The following PROKR1 variants were observed in gnomAD, a reference collection of about 807,000 sequenced individuals.
PROKR1 encodes prokineticin receptor 1.
Under a neutral mutation model 22.8 loss-of-function variants are expected in PROKR1, and 21 were observed. That is an observed-to-expected ratio of 0.92 (90% CI 0.65 to 1.32). The LOEUF is 1.32. PROKR1 is among the 40% of genes most tolerant of loss of function. PROKR1 has a pLI of 0.00. For missense variants in PROKR1, 548 were observed against 514.2 expected (o/e 1.07, Z -0.64); for synonymous variants, 193 against 207.5 (o/e 0.93, Z 0.60).
chr2:68,651,580 A>G (rs905712390), intron 2 of PROKR1, among the ~76,000 whole-genome samples: 1 of 152,104 alleles, frequency 6.6e-6, no homozygotes, highest in Non-Finnish European at 1.5e-5. Flanking sequence ...GGCCTGAGTA[A>G]TCTCACCCAA....
rs1361170402 is a variant in PROKR1 at position 68,656,469 on chromosome 2, A to G, written c.*893A>G. 1 of 152,266 alleles carries G rather than the reference A, an allele frequency of 6.6e-6. No homozygotes were observed. The highest frequency in any genetic ancestry group is 6.5e-5 in the Admixed American group (1 of 15,274). 9.4% of individuals were successfully genotyped at this position (152,266 alleles called of 1,614,324 possible). On this transcript the variant is annotated 3_prime_UTR_variant, in exon 3 of 3. Transcript: ENST00000303786. ...TGGCAGGGGCTCAGGCTCTCCAGGTATACAGATGATACCGTTCCCACCTGT... is the reference window on the plus strand; with the variant it reads ...TGGCAGGGGCTCAGGCTCTCCAGGTGTACAGATGATACCGTTCCCACCTGT...
intron 2 of PROKR1, among the ~76,000 whole-genome samples, chr2:68,651,920 A>T (rs1327214791): frequency 6.6e-6 from 1 of 152,240 alleles, no homozygotes; most frequent in African/African-American, 2.4e-5. Context: ...GCATACATAT[A>T]AGCAGAGAAA....
intron 2 of PROKR1, among the ~76,000 whole-genome samples, chr2:68,648,199 A>G (rs147017338): frequency 1.2e-3 from 188 of 152,226 alleles, no homozygotes; most frequent in Non-Finnish European, 2.2e-3. Flanking sequence ...CGGAGTAACA[A>G]TGGTAGGAGG....
chr2:68,651,398 A>G (rs1257694787), intron 2 of PROKR1, among the ~76,000 whole-genome samples: 2 of 152,190 alleles, frequency 1.3e-5, no homozygotes, highest in Non-Finnish European at 2.9e-5. Flanking sequence ...AAAAAGGATC[A>G]TGAGAGACCT....
intron 2 of PROKR1, among the ~76,000 whole-genome samples, chr2:68,652,912 G>A (rs1374055293): frequency 6.6e-6 from 1 of 152,172 alleles, no homozygotes; most frequent in East Asian, 1.9e-4. Context: ...CACACTCTGT[G>A]TTTGAAGCAT....
In PROKR1 at chr2:68,654,919, G is replaced by C; in HGVS notation, c.525G>C (p.Lys175Asn). 1 of 1,613,730 alleles carries C rather than the reference G, an allele frequency of 6.2e-7. No individual in the cohort carries two copies. The highest frequency in any genetic ancestry group is 8.5e-7 in the Non-Finnish European group (1 of 1,179,968). The change falls in exon 3 of 3, where the codon AAG (lysine) becomes AAC (asparagine). Residue 175 changes from lysine (K) to asparagine (N), a missense_variant. Transcript: ENST00000303786. ...TCCATCCGCTGAGACCACGGATGAA[G>C]TGCCAAACAGCCACTGGCCTGATTG... ...AIVHPLRPRMKCQTATGLIAL... is the reference protein window; with the variant it reads ...AIVHPLRPRMNCQTATGLIAL...
In PROKR1 at chr2:68,645,862, A is replaced by G; in HGVS notation, c.41A>G (p.Asn14Ser). ...TMGFMDDNAT[N>S]TSTSFLSVLN... is the part of the protein sequence containing the mutation. The stretch of plus-strand genomic sequence containing the variant: ...GGGTTCATGGATGACAATGCCACCA[A>G]CACTTCCACCAGCTTCCTTTCTGTG... Residue 14 changes from asparagine (N) to serine (S), a missense_variant, in exon 2 of 3, where the codon AAC (asparagine) becomes AGC (serine). Coordinates refer to ENST00000303786, the MANE Select transcript of PROKR1 (RefSeq NM_138964.4). 1 of 1,614,182 alleles carries G rather than the reference A, an allele frequency of 6.2e-7. No individual in the cohort carries two copies. The highest frequency in any genetic ancestry group is 8.5e-7 in the Non-Finnish European group (1 of 1,180,022).
Position 68,649,288 on chromosome 2 carries a change from AC to A in PROKR1, c.485+2984del, listed in dbSNP as rs377242484. On this transcript the variant is annotated intron_variant, in intron 2 of 2. Transcript: ENST00000303786. ...TTGTCCTGGCTGCTCTCCCTTCTTTACCAGCATTCATTCAACCTCCAGGTCT... is the reference window on the plus strand; with the variant it reads ...TTGTCCTGGCTGCTCTCCCTTCTTTACAGCATTCATTCAACCTCCAGGTCT... 7.3e-3 allele frequency among the ~76,000 whole-genome samples: 1,114 copies of A among 152,134 alleles called. 11 individuals carry two copies. The highest frequency in any genetic ancestry group is 0.024 in the African/African-American group (1,010 of 41,466).
At position 68,643,601 on chromosome 2, in the gene PROKR1, G is replaced by C. The variant is rs929339689; in HGVS notation, c.-408G>C. The C allele has an allele frequency of 6.6e-6, 1 of 152,302 alleles. No individual in the cohort carries two copies. The highest frequency in any genetic ancestry group is 2.4e-5 in the African/African-American group (1 of 41,474). 9.4% of individuals were successfully genotyped at this position (152,302 alleles called of 1,614,324 possible). A position where few individuals can be genotyped will look rare whatever the true frequency, so the allele number is the denominator to read the frequency against. On this transcript the variant is annotated 5_prime_UTR_variant, in exon 1 of 3. Transcript: ENST00000303786. ...CCCAGCTGGCGACACGCCTCGCCAA[G>C]AGCCCGCACCTCGGCGCCTCACGGC...
At chr2:68,652,324 A>G (rs4467308) in intron 2 of PROKR1, among the ~76,000 whole-genome samples, 56,011 of 152,104 alleles carry the variant, frequency 0.37, 12,153 homozygotes, top group African/African-American at 0.61. Context: ...AGCAAACACA[A>G]CATTACTAAT....
intron 2 of PROKR1, among the ~76,000 whole-genome samples, chr2:68,646,850 C>A (rs866499254): frequency 4.6e-5 from 7 of 152,246 alleles, no homozygotes; most frequent in Middle Eastern, 3.4e-3. Context: ...GAGTTCGAGA[C>A]CAGCATGGGC....
chr2:68,646,790 A>G (rs546936523), intron 2 of PROKR1, among the ~76,000 whole-genome samples: 1 of 152,212 alleles, frequency 6.6e-6, no homozygotes, highest in Non-Finnish European at 1.5e-5. Context: ...GTTCAAGCCT[A>G]TAATCCCAGC....
At chr2:68,654,657 G>A (rs34188820) in intron 2 of PROKR1, among the ~76,000 whole-genome samples, 3,687 of 152,098 alleles carry the variant, frequency 0.024, 67 homozygotes, top group Middle Eastern at 0.075. Context: ...AAATTAGCGC[G>A]TGTGGTGCAT....
chr2:68,645,210 T>C (rs1252043039), intron 1 of PROKR1, among the ~76,000 whole-genome samples: 2 of 152,198 alleles, frequency 1.3e-5, no homozygotes, highest in African/African-American at 4.8e-5. Context: ...TAGCAGGTTC[T>C]AATGTGGGAA....
chr2:68,655,123 C>A lies in PROKR1; in HGVS notation c.729C>A (p.Gly243=), dbSNP rs1411582575. The change falls in exon 3 of 3, where the codon GGC becomes GGA. Residue 243 remains glycine, a synonymous_variant. Transcript: ENST00000303786. Reference sequence around the variant, plus strand: ...TTATCTTTGGCATAGAATTCGTGGGCCCCGTGGTCACCATGACCCTGTGCT... The same window carrying A: ...TTATCTTTGGCATAGAATTCGTGGGACCCGTGGTCACCATGACCCTGTGCT... ...FLFIFGIEFV[G]PVVTMTLCYA... is the part of the protein sequence containing the mutation. 2 of 1,614,192 alleles carry A rather than the reference C, an allele frequency of 1.2e-6. No homozygotes were observed. The highest frequency in any genetic ancestry group is 3.3e-5 in the Admixed American group (2 of 60,030).
intron 2 of PROKR1, among the ~76,000 whole-genome samples, chr2:68,652,945 A>T (rs116094809): frequency 0.023 from 3,525 of 152,334 alleles, 75 homozygotes; most frequent in Non-Finnish European, 0.034. Context: ...GGTAGCTACT[A>T]TCGGGAAAAG....
chr2:68,655,006 G>A lies in PROKR1; in HGVS notation c.612G>A (p.Thr204=), dbSNP rs34234285. ...CTTCCGCCTACTTCACCACCGAGAC[G>A]GTCCTCGTCATTGTCAAGAGCCAGG... The part of the protein sequence containing the change: ...AIPSAYFTTE[T]VLVIVKSQEK... The change falls in exon 3 of 3, where the codon ACG becomes ACA. Residue 204 remains threonine (T), a synonymous_variant. Transcript: ENST00000303786. 9.9e-6 allele frequency: 16 copies of A among 1,613,440 alleles called. No individual in the cohort carries two copies. The highest frequency in any genetic ancestry group is 1.6e-4 in the Middle Eastern group (1 of 6,084).
chr2:68,651,469 G>T (rs114191942), intron 2 of PROKR1, among the ~76,000 whole-genome samples: 2 of 152,238 alleles, frequency 1.3e-5, no homozygotes, highest in Non-Finnish European at 2.9e-5. Flanking sequence ...CCCACAGCGT[G>T]TGGGGGCTCC....
rs955687183 is a variant in PROKR1, at chr2:68,643,865, C to T, written c.-161+17C>T. ...ATGCCGCAGGTACAGAGCGCGCCCT[C>T]CCGGGGAGGATGCTCCAGGGACCCC... On this transcript the variant is annotated intron_variant, in intron 1 of 2. Coordinates refer to ENST00000303786, the MANE Select transcript of PROKR1 (RefSeq NM_138964.4). 6.6e-6 allele frequency: 1 copy of T among 152,316 alleles called. No individual in the cohort carries two copies. Among genetic ancestry groups the T allele is most frequent in the African/African-American group, 2.4e-5 (1 of 41,478 alleles). The allele number at this position is 152,316 out of a possible 1,614,324, so 9.4% of individuals were successfully genotyped here.
Sources: gnomAD v4.1 joint callset for allele counts (sites outside exome capture counted in the v4.1 genomes callset) on GRCh38, gnomAD v4.1.1 for gene constraint, MANE v1.5 for transcripts, NCBI Gene and HGNC (gene_info 2026-07-23, HGNC 2026-07-21) for gene names.